Variants in COL3A1 observed in about 807,000 individuals in gnomAD.
The protein encoded by COL3A1 is collagen type III alpha 1 chain.
COL3A1 carries 46 observed loss-of-function variants against 200.9 expected under a neutral mutation model. That is an observed-to-expected ratio of 0.23 (90% CI 0.18 to 0.29). COL3A1 has a LOEUF of 0.29. COL3A1 is among the 10% of genes least tolerant of loss of function. COL3A1 has a pLI of 1.00. For synonymous variants in COL3A1, 650 were observed against 628.0 expected, an observed-to-expected ratio of 1.03 and a Z score of -0.52; for missense variants, 1,367 against 1,917.6, an observed-to-expected ratio of 0.71 and a Z score of 5.36.
At chr2:189,011,507 A>T in intron 50 of COL3A1, 121 bp from the exon 51 acceptor site, 1 of 1,123,312 alleles carries the variant, frequency 8.9e-7, no homozygotes. Context: ...CATATACATG[A>T]ATAATAACAT....
chr2:189,008,216 G>A (rs926990686), intron 47 of COL3A1, 74 bp downstream of exon 47: 24 of 1,309,290 alleles, frequency 1.8e-5, no homozygotes, highest in African/African-American at 2.9e-5. Flanking sequence ...AGCGCATTAT[G>A]TTTAAATTGA....
At position 189,005,198 on chromosome 2, in the gene COL3A1, A is replaced by AT. The variant is rs1230089844; in HGVS notation, c.2932-146dup. On this transcript the variant is annotated intron_variant, in intron 40 of 50. Coordinates refer to ENST00000304636, the MANE Select transcript of COL3A1 (RefSeq NM_000090.4). ...AAATGCAAGAAGCTTGCTCCCCCAT[A>AT]TTTTTTCCCATAGCAGGCATAGTTT... 5 of 721,906 alleles carry AT rather than the reference A, an allele frequency of 6.9e-6. No homozygotes were observed. In the South Asian group the frequency reaches 8.9e-5, roughly 13 times the overall value. 44.7% of individuals were successfully genotyped at this position (721,906 alleles called of 1,614,324 possible). A position where few individuals can be genotyped will look rare whatever the true frequency, so the allele number is the denominator to read the frequency against.
At chr2:188,981,839 G>A (rs1056120767) in intron 1 of COL3A1, among the ~76,000 whole-genome samples, 8 of 151,418 alleles carry the variant, frequency 5.3e-5, no homozygotes, top group Non-Finnish European at 8.9e-5. Context: ...ACTATATTTT[G>A]TCATGCATGG....
At position 189,010,295 on chromosome 2, in the gene COL3A1, A is replaced by C; in HGVS notation, c.3941A>C (p.His1314Pro). The change falls in exon 49 of 51, where the codon CAC becomes CCC. Residue 1314 changes from histidine to proline, a missense_variant. Coordinates refer to ENST00000304636, the MANE Select transcript of COL3A1 (RefSeq NM_000090.4). ...AATCCTTTGAATGTTCCACGGAAACACTGGTGGACAGATTCTAGTGCTGAG... is the reference window on the plus strand; with the variant it reads ...AATCCTTTGAATGTTCCACGGAAACCCTGGTGGACAGATTCTAGTGCTGAG... ...SANPLNVPRK[H>P]WWTDSSAEKK... 2 of 1,614,162 alleles carry C rather than the reference A, an allele frequency of 1.2e-6. No individual in the cohort carries two copies. The highest frequency in any genetic ancestry group is 1.7e-6 in the Non-Finnish European group (2 of 1,180,012).
At chr2:189,010,927 G>A in intron 50 of COL3A1, 37 bp downstream of exon 50, 2 of 1,613,272 alleles carry the variant, frequency 1.2e-6, no homozygotes, top group Non-Finnish European at 1.7e-6. Context: ...TCATAAAGCA[G>A]TCAGCATTTT....
Position 188,994,431 on chromosome 2 carries a change from A to G in COL3A1, c.1293+99A>G, listed in dbSNP as rs1214774163. The G allele has an allele frequency of 6.4e-7, 1 of 1,569,262 alleles. No homozygotes were observed. Among genetic ancestry groups the G allele is most frequent in the East Asian group, 2.2e-5 (1 of 44,590 alleles). The stretch of plus-strand genomic sequence containing the variant: ...ATTTTGCTCCTGTTCAGTTGAATTT[A>G]TATTGACTTCACTCTTGTCTTATAA... On this transcript the variant is annotated intron_variant, in intron 18 of 50. Coordinates refer to ENST00000304636, the MANE Select transcript of COL3A1 (RefSeq NM_000090.4). This position sits in a 1 kb window ranked among gnomAD's most constrained non-coding sequence, Gnocchi z 4.5.
At position 188,992,869 on chromosome 2, in the gene COL3A1, T is replaced by A. The variant is rs369483870; in HGVS notation, c.997-18T>A. On this transcript the variant is annotated intron_variant, in intron 14 of 50. Transcript: ENST00000304636. ...TTAGTTGAAAAAGAGCTCTTGAAATTGTATTTAATTTTTTCAGGGCCCTCC... is the reference window on the plus strand; with the variant it reads ...TTAGTTGAAAAAGAGCTCTTGAAATAGTATTTAATTTTTTCAGGGCCCTCC... 3.1e-6 allele frequency: 5 copies of A among 1,612,574 alleles called. No individual in the cohort carries two copies. The highest frequency in any genetic ancestry group is 2.2e-5 in the South Asian group (2 of 91,050).
intron 8 of COL3A1, 64 bp downstream of exon 8, chr2:188,989,513 A>G: frequency 2.6e-6 from 3 of 1,168,490 alleles, no homozygotes; most frequent in Non-Finnish European, 1.3e-6. Flanking sequence ...TAAACAGTAT[A>G]TGCTTTATGT....
rs141335164 is a variant in COL3A1, at chr2:188,984,905, C to A, written c.225C>A (p.Pro75=). The change falls in exon 2 of 51, where the codon CCC becomes CCA. Residue 75 remains proline, a synonymous_variant. Coordinates refer to ENST00000304636, the MANE Select transcript of COL3A1 (RefSeq NM_000090.4). ...IICDDQELDC[P]NPEIPFGECC... ...GTGACGATCAAGAATTAGACTGCCC[C>A]AACCCAGAAATTCCATTTGGAGAAT... 3 of 1,613,222 alleles carry A rather than the reference C, an allele frequency of 1.9e-6. No homozygotes were observed. The highest frequency in any genetic ancestry group is 2.5e-6 in the Non-Finnish European group (3 of 1,179,426).
chr2:188,997,050 TATATGAGACATATATATATGAGAC>T lies in COL3A1; in HGVS notation c.1762-110_1762-87del, dbSNP rs1184160424. ...GAGACATATATATATGAGACATATA[TATATGAGACATATATATATGAGAC>T]ATATATATATGAGACATATATATAT... On this transcript the variant is annotated intron_variant, in intron 24 of 50. Transcript: ENST00000304636. 4.2e-6 allele frequency: 3 copies of T among 709,000 alleles called. No homozygotes were observed. In the African/African-American group the frequency reaches 5.6e-5, roughly 13 times the overall value. 43.9% of individuals were successfully genotyped at this position (709,000 alleles called of 1,614,324 possible).
intron 48 of COL3A1, 50 bp downstream of exon 48, chr2:189,009,271 C>G (rs747090601): frequency 6.0e-5 from 97 of 1,606,098 alleles, no homozygotes; most frequent in Non-Finnish European, 7.8e-5. Flanking sequence ...ACAGAGAAAG[C>G]TGCTTAGATT....
chr2:188,999,020 C>A (rs1003430353), intron 29 of COL3A1, among the ~76,000 whole-genome samples: 2 of 152,150 alleles, frequency 1.3e-5, no homozygotes, highest in African/African-American at 4.8e-5. Flanking sequence ...GTAAAAAGAA[C>A]TTTAAAATGT....
In COL3A1 at chr2:189,007,493, T is replaced by C. The variant is rs1266798600; in HGVS notation, c.3256-7T>C. On this transcript the variant is annotated splice_polypyrimidine_tract_variant and splice_region_variant and intron_variant, in intron 44 of 50. Transcript: ENST00000304636. ...ATATGACTTCAATTCAAAATATGTT[T>C]CTAAAGGGTCCTCAAGGCCCACGTG... is the stretch of plus-strand genomic sequence containing the variant. The C allele has an allele frequency of 6.2e-7, 1 of 1,609,618 alleles. No homozygotes were observed. Among genetic ancestry groups the C allele is most frequent in the African/African-American group, 1.3e-5 (1 of 74,788 alleles).
Position 188,984,766 on chromosome 2 carries a change from A to G in COL3A1, c.86A>G (p.Glu29Gly). ...CATCTAACTTGTTTTTCAGCTGTTG[A>G]AGGAGGATGTTCCCATCTTGGTCAG... ...TIILAQQEAV[E>G]GGCSHLGQSY... is the part of the protein sequence containing the mutation. The change falls in exon 2 of 51, where the codon GAA becomes GGA. Residue 29 changes from glutamate to glycine, a missense_variant. Physicochemically the swap from Glu to Gly is moderately conservative, Grantham distance 98. Coordinates refer to ENST00000304636, the MANE Select transcript of COL3A1 (RefSeq NM_000090.4). 1.2e-6 allele frequency: 2 copies of G among 1,612,884 alleles called. No individual in the cohort carries two copies. The highest frequency in any genetic ancestry group is 1.7e-6 in the Non-Finnish European group (2 of 1,179,134).
chr2:189,007,325 T>TC (rs1056274309), intron 44 of COL3A1, among the ~76,000 whole-genome samples, 175 bp from the exon 45 acceptor site: 30 of 151,538 alleles, frequency 2.0e-4, no homozygotes, highest in Non-Finnish European at 1.2e-4. Flanking sequence ...CAATGATCAG[T>TC]CCAAAATGAA....
chr2:188,985,528 T>C, intron 3 of COL3A1, 137 bp from the exon 4 acceptor site: 2 of 679,084 alleles, frequency 2.9e-6, no homozygotes, highest in Non-Finnish European at 5.0e-6. Flanking sequence ...AGATTTTGAT[T>C]AAAAAGTATG....
intron 27 of COL3A1, 139 bp from the exon 28 acceptor site, chr2:188,998,127 T>C: frequency 1.3e-6 from 1 of 750,392 alleles, no homozygotes; most frequent in Non-Finnish European, 2.3e-6. Context: ...CACTGGATTT[T>C]GAGTGGCACA....
At position 189,007,561 on chromosome 2, in the gene COL3A1, A is replaced by G. The variant is rs1576472601; in HGVS notation, c.3317A>G (p.Lys1106Arg). The G allele has an allele frequency of 3.7e-6, 6 of 1,613,802 alleles. No individual in the cohort carries two copies. Among genetic ancestry groups the G allele is most frequent in the East Asian group, 4.5e-5 (2 of 44,856 alleles). Residue 1106 changes from lysine (K) to arginine (R), a missense_variant, in exon 45 of 51, where the codon AAA becomes AGA. Physicochemically the swap from Lys to Arg is conservative, Grantham distance 26 (BLOSUM62 2). Around this residue, in one of 5 missense-constraint regions of COL3A1, gnomAD observed 846 missense variants for 1,147.9 expected, o/e 0.74. Coordinates refer to ENST00000304636, the MANE Select transcript of COL3A1 (RefSeq NM_000090.4). ...ETGERGAAGI[K>R]GHRGFPGNPG... Reference sequence around the variant, plus strand: ...GGTGAACGTGGAGCTGCTGGCATCAAAGGACATCGAGGATTCCCTGGTAAT... The same window carrying G: ...GGTGAACGTGGAGCTGCTGGCATCAGAGGACATCGAGGATTCCCTGGTAAT...
At chr2:189,009,838 T>A (rs1364077579) in intron 48 of COL3A1, among the ~76,000 whole-genome samples, 5 of 152,282 alleles carry the variant, frequency 3.3e-5, no homozygotes, top group Admixed American at 2.6e-4. Context: ...CAAATCTAGG[T>A]TAGACAACCA....
Sources: gnomAD v4.1 joint callset for allele counts (sites outside exome capture counted in the v4.1 genomes callset) on GRCh38, gnomAD v4.1.1 for gene constraint, gnomAD v4.1.1 regional missense constraint, Gnocchi (gnomAD v3.1) non-coding constraint, MANE v1.5 for transcripts, NCBI Gene and HGNC (gene_info 2026-07-23, HGNC 2026-07-21) for gene names.